The following KANSL1L variants were observed in gnomAD, a reference collection of about 807,000 sequenced individuals.
KANSL1L encodes KAT8 regulatory NSL complex subunit 1 like, also known as KAT8 regulatory NSL complex subunit 1-like protein.
In KANSL1L, 25 loss-of-function variants were observed where a neutral mutation model predicts 108.6. That is an observed-to-expected ratio of 0.23 (90% CI 0.17 to 0.32). The LOEUF (loss-of-function observed/expected upper bound fraction) is 0.32. Among genes scored for constraint, KANSL1L ranks in the 10% least tolerant of loss-of-function variants. The probability of loss-of-function intolerance (pLI) is 1.00; values close to 1 mark genes in which losing one functional copy is unlikely to be tolerated. For synonymous variants in KANSL1L, 405 were observed against 395.1 expected (o/e 1.03, Z -0.30); for missense variants, 1,137 against 1,125.7 (o/e 1.01, Z -0.14).
At chr2:210,081,888 C>A (rs1488415341) in intron 5 of KANSL1L, among the ~76,000 whole-genome samples, 1 of 152,206 alleles carries the variant, frequency 6.6e-6, no homozygotes, top group Non-Finnish European at 1.5e-5. Context: ...TATATTTCCA[C>A]TGCCTTGAAG....
At chr2:210,096,902 T>G (rs1421913729) in intron 5 of KANSL1L, 1 of 374,944 alleles carries the variant, frequency 2.7e-6, no homozygotes, top group Non-Finnish European at 3.7e-6. Flanking sequence ...AATAACCAAT[T>G]AGAAATAAAA....
intron 5 of KANSL1L, among the ~76,000 whole-genome samples, chr2:210,086,759 A>G (rs1235913637): frequency 6.6e-6 from 1 of 152,106 alleles, no homozygotes; most frequent in Non-Finnish European, 1.5e-5. Flanking sequence ...AAATTAGTAT[A>G]TAGAATGAGG....
At chr2:210,048,513 A>G (rs2094251111) in intron 6 of KANSL1L, among the ~76,000 whole-genome samples, 1 of 152,080 alleles carries the variant, frequency 6.6e-6, no homozygotes, top group Non-Finnish European at 1.5e-5. Context: ...TACATTTTGT[A>G]TGGATAATTC....
At chr2:210,025,383 C>T (rs1364291767) in intron 12 of KANSL1L, among the ~76,000 whole-genome samples, 167 bp from the exon 13 acceptor site, 2 of 152,070 alleles carry the variant, frequency 1.3e-5, no homozygotes, top group Non-Finnish European at 2.9e-5. Flanking sequence ...GGTGAAATCC[C>T]GTCTCTACTA....
In KANSL1L at chr2:210,038,307, CA is replaced by C. The variant is rs545179307; in HGVS notation, c.2029+2112del. On this transcript the variant is annotated intron_variant, in intron 8 of 14. Transcript: ENST00000281772. Reference sequence around the variant, plus strand: ...TTATTGGGAATAGGTACAAAATAAACAAGGGAGTTTTTAAGCCACACTGAAC... The same window carrying C: ...TTATTGGGAATAGGTACAAAATAAACAGGGAGTTTTTAAGCCACACTGAAC... Among the ~76,000 whole-genome samples the C allele has an allele frequency of 2.9e-3, 448 of 151,944 alleles. 2 individuals carry two copies. Among genetic ancestry groups the C allele is most frequent in the African/African-American group, 0.01 (427 of 41,510 alleles).
intron 6 of KANSL1L, among the ~76,000 whole-genome samples, chr2:210,058,104 T>C (rs191115696): frequency 0.012 from 1,893 of 152,242 alleles, 42 homozygotes; most frequent in African/African-American, 0.044. Flanking sequence ...CAAAAGCAAA[T>C]GGGAGAAATA....
At chr2:210,059,919 T>G (rs535466116) in intron 6 of KANSL1L, among the ~76,000 whole-genome samples, 1 of 152,120 alleles carries the variant, frequency 6.6e-6, no homozygotes, top group South Asian at 2.1e-4. Flanking sequence ...TTTTTTGTAT[T>G]TTTAGTAGAA....
rs886141860 is a variant in KANSL1L at position 210,167,390 on chromosome 2, T to A, written c.-30+3759A>T. ...AAGACTAAAGGAATTTAATTAAAGA[T>A]AAAGCCACTTGGGTGGCTACATAAC... On this transcript the variant is annotated intron_variant, in intron 1 of 14. Transcript: ENST00000281772. Among the ~76,000 whole-genome samples the A allele has an allele frequency of 1.9e-4, 29 of 152,156 alleles. 3 individuals carry two copies. The highest frequency in any genetic ancestry group is 1.8e-3 in the Admixed American group (28 of 15,296).
intron 5 of KANSL1L, among the ~76,000 whole-genome samples, chr2:210,093,648 A>G (rs191094985): frequency 1.3e-5 from 2 of 152,318 alleles, no homozygotes; most frequent in Non-Finnish European, 2.9e-5. Context: ...TGGCTTGGCA[A>G]TTAATATTTG....
At chr2:210,120,117 C>T (rs190297976) in intron 3 of KANSL1L, among the ~76,000 whole-genome samples, 58 of 152,116 alleles carry the variant, frequency 3.8e-4, no homozygotes, top group African/African-American at 1.3e-3. Context: ...TGGCCAGGCA[C>T]GGTGGCTCAC....
chr2:210,150,190 CTCTAGCTGATTATGGGAAAAAGA>C (rs1188394121), intron 2 of KANSL1L, among the ~76,000 whole-genome samples: 2 of 152,024 alleles, frequency 1.3e-5, no homozygotes, highest in African/African-American at 4.8e-5. Context: ...TCTGAATCCC[CTCTAGCTGATTATGGGAAAAAGA>C]AAGACAGCAG....
At chr2:210,066,424 C>T (rs575812968) in intron 6 of KANSL1L, among the ~76,000 whole-genome samples, 4 of 152,310 alleles carry the variant, frequency 2.6e-5, no homozygotes, top group South Asian at 4.1e-4. Flanking sequence ...GCCAAAACAA[C>T]GGGGATAGGC....
intron 3 of KANSL1L, among the ~76,000 whole-genome samples, chr2:210,128,123 G>A (rs146958342): frequency 1.3e-5 from 2 of 152,162 alleles, no homozygotes; most frequent in East Asian, 1.9e-4. Context: ...AAATGTTAGC[G>A]AGAATCTGGA....
chr2:210,135,938 ACAC>A (rs1285101854), intron 2 of KANSL1L, among the ~76,000 whole-genome samples: 2 of 152,220 alleles, frequency 1.3e-5, no homozygotes, highest in East Asian at 3.9e-4. Context: ...AGTTGTACAC[ACAC>A]AATATAGACA....
chr2:210,159,295 A>C (rs1221385919), intron 1 of KANSL1L, among the ~76,000 whole-genome samples: 2 of 152,142 alleles, frequency 1.3e-5, no homozygotes, highest in Non-Finnish European at 2.9e-5. Flanking sequence ...AGCCTGAAAC[A>C]ATTTTTTACA....
chr2:210,083,143 G>A (rs967880312), intron 5 of KANSL1L, among the ~76,000 whole-genome samples: 2 of 152,066 alleles, frequency 1.3e-5, no homozygotes, highest in Non-Finnish European at 2.9e-5. Context: ...GAAAGTCAAG[G>A]AACTGCAGGC....
At chr2:210,102,294 A>C (rs1401776564) in intron 4 of KANSL1L, among the ~76,000 whole-genome samples, 1 of 152,104 alleles carries the variant, frequency 6.6e-6, no homozygotes, top group Non-Finnish European at 1.5e-5. Context: ...TCCCTTCCTT[A>C]CACCTTATAC....
Position 210,086,088 on chromosome 2 carries a change from G to C in KANSL1L, c.1551-10332C>G, listed in dbSNP as rs541268124. 1.3e-3 allele frequency among the ~76,000 whole-genome samples: 200 copies of C among 151,938 alleles called. 1 individual carries two copies. The highest frequency in any genetic ancestry group is 2.5e-3 in the Non-Finnish European group (172 of 67,872). On this transcript the variant is annotated intron_variant, in intron 5 of 14. Transcript: ENST00000281772. ...TACTTTTTATGTGATTAGTTTGCCA[G>C]CCTAACTGCAGTTTTTCAATTATGA...
intron 1 of KANSL1L, among the ~76,000 whole-genome samples, chr2:210,161,280 G>A (rs914188338): frequency 3.9e-5 from 6 of 152,052 alleles, no homozygotes; most frequent in African/African-American, 1.2e-4. Flanking sequence ...GAGCCACTGC[G>A]CCTGGCCTGA....
Sources: allele counts gnomAD v4.1 joint callset (sites outside exome capture counted in the v4.1 genomes callset), GRCh38; gene constraint gnomAD v4.1.1; transcripts MANE v1.5; gene names NCBI Gene and HGNC (gene_info 2026-07-23, HGNC 2026-07-21).